FAM222B: variants seen among roughly 807,000 people sequenced by gnomAD.
FAM222B encodes family with sequence similarity 222 member B.
Under a neutral mutation model 38.0 loss-of-function variants are expected in FAM222B, and 12 were observed. That is an observed-to-expected ratio of 0.32 (90% CI 0.20 to 0.51). FAM222B has a LOEUF of 0.51. Among genes scored for constraint, FAM222B ranks in the 20% least tolerant of loss-of-function variants. The pLI is 0.97. For missense variants in FAM222B, 716 were observed against 754.2 expected, an observed-to-expected ratio of 0.95 and a Z score of 0.59; for synonymous variants, 329 against 317.2, an observed-to-expected ratio of 1.04 and a Z score of -0.40.
chr17:28,822,526 T>C (rs1023459465), intron 1 of FAM222B, among the ~76,000 whole-genome samples: 55 of 150,922 alleles, frequency 3.6e-4, no homozygotes, highest in African/African-American at 1.3e-3. Flanking sequence ...TTTGGGAGAC[T>C]GAAGTAGGAG....
At chr17:28,804,452 A>G (rs748749609) in intron 1 of FAM222B, among the ~76,000 whole-genome samples, 3 of 151,698 alleles carry the variant, frequency 2.0e-5, no homozygotes, top group Non-Finnish European at 4.4e-5. Flanking sequence ...CTCCTGCCTC[A>G]GCCTCCCGAG....
chr17:28,766,461 A>G, intron 2 of FAM222B, 125 bp downstream of exon 2: 1 of 741,944 alleles, frequency 1.3e-6, no homozygotes, highest in African/African-American at 1.8e-5. Context: ...TCGTCTTAAA[A>G]AAAAAAAAAA....
rs564859847 is a variant in FAM222B at position 28,793,779 on chromosome 17, CTT to C, written c.-40-27074_-40-27073del. Among the ~76,000 whole-genome samples the C allele has an allele frequency of 4.2e-5, 6 of 144,064 alleles. No homozygotes were observed. The East Asian group carries it at 6.0e-4, about 14-fold the overall frequency. The allele number at this position is 144,064 out of a possible 152,430, so 94.5% of individuals were successfully genotyped here. A position where few individuals can be genotyped will look rare whatever the true frequency, so the allele number is the denominator to read the frequency against. On this transcript the variant is annotated intron_variant, in intron 1 of 2. Coordinates refer to ENST00000581407, the MANE Select transcript of FAM222B (RefSeq NM_001077498.3). ...TTTTTTTTTGAGACAGAGTTTCACT[CTT>C]GTTGCCCAGGCTGGAGTGCAATGGT...
Position 28,767,181 on chromosome 17 carries a change from G to A in FAM222B, c.-40-474C>T, listed in dbSNP as rs2035372647. 8 of 153,202 alleles carry A rather than the reference G, an allele frequency of 5.2e-5. No individual in the cohort carries two copies. In the South Asian group the frequency reaches 1.6e-3, roughly 31 times the overall value. 9.5% of individuals were successfully genotyped at this position (153,202 alleles called of 1,614,324 possible). ...TTTATTTTATTTTTTTTGAGACGGA[G>A]TTTCACTCTTGTTGCCCAGGCTGGA... On this transcript the variant is annotated intron_variant, in intron 1 of 2. Coordinates refer to ENST00000581407, the MANE Select transcript of FAM222B (RefSeq NM_001077498.3).
chr17:28,792,311 CAA>C lies in FAM222B; in HGVS notation c.-40-25606_-40-25605del, dbSNP rs71135853. Among the ~76,000 whole-genome samples the C allele has an allele frequency of 2.2e-3, 237 of 110,138 alleles. 1 individual carries two copies. The highest frequency in any genetic ancestry group is 6.8e-3 in the African/African-American group (181 of 26,580). 72.3% of individuals were successfully genotyped at this position (110,138 alleles called of 152,430 possible). On this transcript the variant is annotated intron_variant, in intron 1 of 2. Transcript: ENST00000581407. ...TGGGCGACCCAGCAAGACTCTGTCT[CAA>C]AAAAAAAAAAAAAAAAAATTAGCCA...
At chr17:28,797,825 G>A (rs1396361787) in intron 1 of FAM222B, among the ~76,000 whole-genome samples, 1 of 152,056 alleles carries the variant, frequency 6.6e-6, no homozygotes, top group Non-Finnish European at 1.5e-5. Context: ...AAATTTAGGA[G>A]GCTGAGGCAG....
At chr17:28,830,381 T>G (rs1289088488) in intron 1 of FAM222B, among the ~76,000 whole-genome samples, 1 of 149,756 alleles carries the variant, frequency 6.7e-6, no homozygotes, top group Non-Finnish European at 1.5e-5. Flanking sequence ...GGGATGGTCT[T>G]GATCTCCCAA....
At chr17:28,789,546 T>C (rs975039331) in intron 1 of FAM222B, among the ~76,000 whole-genome samples, 6 of 152,164 alleles carry the variant, frequency 3.9e-5, no homozygotes, top group African/African-American at 1.4e-4. Context: ...CAACTCAGTG[T>C]CCTTATCAAC....
chr17:28,829,803 A>C (rs147426770), intron 1 of FAM222B, among the ~76,000 whole-genome samples: 1 of 152,210 alleles, frequency 6.6e-6, no homozygotes, highest in Non-Finnish European at 1.5e-5. Context: ...TTTTGTGAAC[A>C]CAGATTTTTA....
At chr17:28,806,089 T>C (rs1388161000) in intron 1 of FAM222B, among the ~76,000 whole-genome samples, 4 of 151,766 alleles carry the variant, frequency 2.6e-5, no homozygotes, top group African/African-American at 4.8e-5. Flanking sequence ...GAGGTGGACA[T>C]TGCAGTGAGC....
intron 2 of FAM222B, among the ~76,000 whole-genome samples, chr17:28,763,978 G>C (rs2035208412): frequency 6.6e-6 from 1 of 152,154 alleles, no homozygotes; most frequent in Non-Finnish European, 1.5e-5. Flanking sequence ...TTCTGCCATG[G>C]AAGGAAATCA....
At chr17:28,818,534 C>CA (rs57660560) in intron 1 of FAM222B, among the ~76,000 whole-genome samples, 67 of 105,376 alleles carry the variant, frequency 6.4e-4, no homozygotes, top group South Asian at 9.2e-4. Flanking sequence ...GAGTCCGTCT[C>CA]AAAAAAAAAA....
chr17:28,839,213 T>A (rs1234612427), intron 1 of FAM222B, among the ~76,000 whole-genome samples: 2 of 151,902 alleles, frequency 1.3e-5, no homozygotes, highest in Non-Finnish European at 2.9e-5. Context: ...TCTCAAAAAA[T>A]AATAATAATG....
intron 1 of FAM222B, among the ~76,000 whole-genome samples, chr17:28,804,742 G>T (rs2037401049): frequency 6.6e-6 from 1 of 151,976 alleles, no homozygotes; most frequent in African/African-American, 2.4e-5. Flanking sequence ...TACTTTTGAT[G>T]ATTAAGAAAC....
intron 1 of FAM222B, among the ~76,000 whole-genome samples, chr17:28,852,099 G>C (rs2039186057): frequency 6.6e-6 from 1 of 151,864 alleles, no homozygotes; most frequent in South Asian, 2.1e-4. Flanking sequence ...CTGGCGCGGT[G>C]GCTCACGCCT....
At chr17:28,795,269 C>T (rs560025735) in intron 1 of FAM222B, among the ~76,000 whole-genome samples, 1 of 152,080 alleles carries the variant, frequency 6.6e-6, no homozygotes, top group Non-Finnish European at 1.5e-5. Context: ...CTCAGCCTGC[C>T]AAGTAGATGG....
At chr17:28,854,329 G>C (rs1252414636) in intron 1 of FAM222B, among the ~76,000 whole-genome samples, 1 of 152,196 alleles carries the variant, frequency 6.6e-6, no homozygotes, top group Non-Finnish European at 1.5e-5. Flanking sequence ...AGTTTCTCCG[G>C]CTGCTAGAGC....
chr17:28,795,302 G>T (rs2036887739), intron 1 of FAM222B, among the ~76,000 whole-genome samples: 1 of 151,940 alleles, frequency 6.6e-6, no homozygotes, highest in African/African-American at 2.4e-5. Context: ...ATGCCATCGT[G>T]CCCAGTTAAC....
intron 1 of FAM222B, among the ~76,000 whole-genome samples, chr17:28,805,650 CA>C (rs941580738): frequency 8.1e-4 from 114 of 140,640 alleles, no homozygotes; most frequent in Admixed American, 7.2e-4. Context: ...GAACCTGTCT[CA>C]AAAAAAAAAA....
Sources: allele counts gnomAD v4.1 joint callset (sites outside exome capture counted in the v4.1 genomes callset), GRCh38; gene constraint gnomAD v4.1.1; transcripts MANE v1.5; gene names NCBI Gene and HGNC (gene_info 2026-07-23, HGNC 2026-07-21).